The following DLG2 variants were observed in gnomAD, a reference collection of about 807,000 sequenced individuals.
DLG2 encodes the protein discs large MAGUK scaffold protein 2, also known as disks large homolog 2.
DLG2 carries 45 observed loss-of-function variants against 132.5 expected under a neutral mutation model. That is an observed-to-expected ratio of 0.34 (90% confidence interval 0.27 to 0.44). The LOEUF (loss-of-function observed/expected upper bound fraction) is 0.44, where lower values mean the gene tolerates loss of function less well. Ranked by LOEUF, DLG2 falls within the 20% of genes least tolerant of loss-of-function variation. The pLI is 1.00. For synonymous variants in DLG2, 424 were observed against 419.6 expected, an observed-to-expected ratio of 1.01 and a Z score of -0.13; for missense variants, 1,045 against 1,196.9, an observed-to-expected ratio of 0.87 and a Z score of 1.87.
chr11:85,067,618 A>G (rs2065126785), intron 6 of DLG2, among the ~76,000 whole-genome samples: 2 of 152,068 alleles, frequency 1.3e-5, no homozygotes, highest in East Asian at 1.9e-4. Flanking sequence ...GACCAATAAG[A>G]GGCTCTGAAA....
chr11:84,929,792 T>G (rs1221924074), intron 6 of DLG2, among the ~76,000 whole-genome samples: 2 of 152,140 alleles, frequency 1.3e-5, no homozygotes, highest in African/African-American at 2.4e-5. Context: ...CTAATATAAA[T>G]TAATGTCCAG....
chr11:83,486,293 T>C, intron 21 of DLG2: 2 of 680,418 alleles, frequency 2.9e-6, no homozygotes, highest in Non-Finnish European at 2.7e-6. Context: ...ATTAATGGCA[T>C]GTGATACTGC....
At chr11:83,464,279 G>T (rs1273167735) in intron 26 of DLG2, among the ~76,000 whole-genome samples, 2 of 152,150 alleles carry the variant, frequency 1.3e-5, no homozygotes, top group African/African-American at 4.8e-5. Flanking sequence ...CTATGTATGT[G>T]CTAATAAGCT....
At chr11:83,817,685 G>C (rs970257799) in intron 17 of DLG2, among the ~76,000 whole-genome samples, 1 of 152,020 alleles carries the variant, frequency 6.6e-6, no homozygotes, top group Non-Finnish European at 1.5e-5. Flanking sequence ...AAACAGCCTG[G>C]GCAACATGGT....
At chr11:84,557,573 G>C (rs992498803) in intron 6 of DLG2, among the ~76,000 whole-genome samples, 6 of 151,764 alleles carry the variant, frequency 4.0e-5, no homozygotes, top group African/African-American at 1.5e-4. Context: ...ATTTCATTGA[G>C]AAATTTATTT....
chr11:83,467,403 TG>T (rs1344603647), intron 25 of DLG2, among the ~76,000 whole-genome samples: 1 of 152,152 alleles, frequency 6.6e-6, no homozygotes, highest in Non-Finnish European at 1.5e-5. Flanking sequence ...GTACATATCC[TG>T]TCTGCAAGGT....
At chr11:83,962,054 A>G (rs1471007444) in intron 14 of DLG2, among the ~76,000 whole-genome samples, 2 of 152,064 alleles carry the variant, frequency 1.3e-5, no homozygotes, top group African/African-American at 2.4e-5. Context: ...TCTCCGGCAG[A>G]AAGTCTCTAC....
chr11:84,720,825 A>C (rs2061742940), intron 6 of DLG2: 1 of 152,230 alleles, frequency 6.6e-6, no homozygotes. Flanking sequence ...AGGGGGCTGA[A>C]ATTATTCCCT....
chr11:84,160,082 C>T (rs913504336), intron 9 of DLG2, among the ~76,000 whole-genome samples: 1 of 152,132 alleles, frequency 6.6e-6, no homozygotes, highest in Non-Finnish European at 1.5e-5. Flanking sequence ...CACAGTTAGA[C>T]ATATACATTT....
At chr11:85,278,358 A>T (rs1371999240) in intron 4 of DLG2, among the ~76,000 whole-genome samples, 1 of 152,174 alleles carries the variant, frequency 6.6e-6, no homozygotes, top group Non-Finnish European at 1.5e-5. Flanking sequence ...AAGAGATAAT[A>T]TATTAAAAGT....
At chr11:85,573,621 T>C (rs1590916189) in intron 3 of DLG2, among the ~76,000 whole-genome samples, 2 of 152,196 alleles carry the variant, frequency 1.3e-5, no homozygotes, top group South Asian at 4.1e-4. Context: ...TCCTATTTTC[T>C]GAGTCTGATC....
intron 7 of DLG2, among the ~76,000 whole-genome samples, chr11:84,302,344 A>T (rs2098165164): frequency 6.6e-6 from 1 of 152,234 alleles, no homozygotes; most frequent in African/African-American, 2.4e-5. Context: ...GTATAATTTT[A>T]AAAAATGATG....
At chr11:84,525,650 T>C (rs2099318042) in intron 7 of DLG2, among the ~76,000 whole-genome samples, 1 of 152,210 alleles carries the variant, frequency 6.6e-6, no homozygotes, top group South Asian at 2.1e-4. Context: ...AACGGTCTAA[T>C]TTGCATATCA....
At chr11:84,374,749 C>T (rs2098722346) in intron 7 of DLG2, among the ~76,000 whole-genome samples, 1 of 152,134 alleles carries the variant, frequency 6.6e-6, no homozygotes, top group African/African-American at 2.4e-5. Flanking sequence ...AACTAAGTAA[C>T]TTGTAACTAC....
At chr11:83,902,007 T>C (rs1317316980) in intron 15 of DLG2, among the ~76,000 whole-genome samples, 1 of 150,520 alleles carries the variant, frequency 6.6e-6, no homozygotes, top group Non-Finnish European at 1.5e-5. Context: ...TAACTACTTT[T>C]CCACTATTCA....
chr11:85,285,181 T>C lies in DLG2; in HGVS notation c.186+39A>G. 1.9e-6 allele frequency: 3 copies of C among 1,581,512 alleles called. No individual in the cohort carries two copies. The South Asian group carries it at 3.4e-5, about 18-fold the overall frequency. On this transcript the variant is annotated intron_variant, in intron 4 of 27. Transcript: ENST00000376104. ...ATTACTTCTTTAGTGGCCTAAGTCCTAGTATTATTCAGTTCTTTTGGAAGT... is the reference window on the plus strand; with the variant it reads ...ATTACTTCTTTAGTGGCCTAAGTCCCAGTATTATTCAGTTCTTTTGGAAGT...
intron 15 of DLG2, among the ~76,000 whole-genome samples, chr11:83,888,858 G>C (rs1243676893): frequency 6.6e-6 from 1 of 152,182 alleles, no homozygotes; most frequent in East Asian, 1.9e-4. Flanking sequence ...AATGGGGAAA[G>C]GATTCCGTAT....
intron 3 of DLG2, among the ~76,000 whole-genome samples, chr11:85,583,055 A>T (rs1393043013): frequency 8.4e-6 from 1 of 118,904 alleles, no homozygotes; most frequent in African/African-American, 3.7e-5. Flanking sequence ...GGGGAAAAAA[A>T]AAATATATAT....
At chr11:83,750,611 T>C (rs2093240268) in intron 18 of DLG2, among the ~76,000 whole-genome samples, 1 of 152,184 alleles carries the variant, frequency 6.6e-6, no homozygotes, top group Admixed American at 6.5e-5. Flanking sequence ...TTTGAACAAA[T>C]GGTTCCATGA....
Sources: allele counts gnomAD v4.1 joint callset (sites outside exome capture counted in the v4.1 genomes callset), GRCh38; gene constraint gnomAD v4.1.1; transcripts MANE v1.5; gene names NCBI Gene and HGNC (gene_info 2026-07-23, HGNC 2026-07-21).